The following NEURL4 variants were observed in gnomAD, a reference collection of about 807,000 sequenced individuals.
The protein encoded by NEURL4 is neuralized-like protein 4.
Under a neutral mutation model 148.0 loss-of-function variants are expected in NEURL4, and 45 were observed. The ratio of observed to expected loss-of-function variants is 0.30; its 90% CI spans 0.24 to 0.39. The LOEUF (loss-of-function observed/expected upper bound fraction) is 0.39, where lower values mean the gene tolerates loss of function less well. Ranked by LOEUF, NEURL4 falls within the 10% of genes least tolerant of loss-of-function variation. The pLI, the probability that NEURL4 is intolerant of heterozygous loss-of-function variation, is 1.00. For missense variants in NEURL4, 1,776 were observed against 2,144.0 expected (o/e 0.83, Z 3.39); for synonymous variants, 854 against 869.0 (o/e 0.98, Z 0.30).
At chr17:7,323,762 T>C in intron 12 of NEURL4, 39 bp from the exon 13 acceptor site, 3 of 1,613,828 alleles carry the variant, frequency 1.9e-6, no homozygotes. Flanking sequence ...TCTACTTGCA[T>C]GGCTGAGGCT....
rs1424374691 is a variant in NEURL4, at chr17:7,317,220, A to T, written c.4469T>A (p.Leu1490Gln). 6.6e-7 allele frequency: 1 copy of T among 1,513,184 alleles called. No individual in the cohort carries two copies. Among genetic ancestry groups the T allele is most frequent in the African/African-American group, 1.4e-5 (1 of 71,482 alleles). 93.7% of individuals were successfully genotyped at this position (1,513,184 alleles called of 1,614,324 possible). The change falls in exon 28 of 29, where the codon CTG becomes CAG. Residue 1490 changes from leucine to glutamine, a missense_variant. Coordinates refer to ENST00000399464, the MANE Select transcript of NEURL4 (RefSeq NM_032442.3). ...PSLQYAGAET[L>Q]ASKVQFRDPK... ...CAGTACTCACTGCACTTTGGAGGCC[A>T]GGGTCTCCGCCCCAGCATATTGAAG...
At position 7,326,365 on chromosome 17, in the gene NEURL4, G is replaced by A. The variant is rs1052888554; in HGVS notation, c.1205-22C>T. On this transcript the variant is annotated intron_variant, in intron 5 of 28. Transcript: ENST00000399464. This position sits in a 1 kb window ranked among gnomAD's most constrained non-coding sequence, Gnocchi z 6.0. The stretch of plus-strand genomic sequence containing the variant: ...GTGCCTGGGTGATAGTGGACACTTG[G>A]GTTCGGGTACGGGGCTTCCTTCCCC... 1 of 1,613,946 alleles carries A rather than the reference G, an allele frequency of 6.2e-7. No homozygotes were observed. Among genetic ancestry groups the A allele is most frequent in the Non-Finnish European group, 8.5e-7 (1 of 1,179,970 alleles).
intron 6 of NEURL4, among the ~76,000 whole-genome samples, 184 bp from the exon 7 acceptor site, chr17:7,325,897 A>G (rs2073098142): frequency 6.6e-6 from 1 of 152,182 alleles, no homozygotes; most frequent in Non-Finnish European, 1.5e-5. Flanking sequence ...TGAGTCAGGC[A>G]CTGAGTTAAA....
At position 7,327,271 on chromosome 17, in the gene NEURL4, C is replaced by T. The variant is rs376500565; in HGVS notation, c.728-41G>A. ...GATGGGAGGGGAATAAGGGTTCAGT[C>T]CCTGCTTCACGGCCCATAGCCAGGA... On this transcript the variant is annotated intron_variant, in intron 2 of 28. Transcript: ENST00000399464. The surrounding 1 kb of genome is among the most constrained non-coding windows in gnomAD (Gnocchi z 6.6). The T allele has an allele frequency of 8.4e-5, 131 of 1,553,000 alleles. No homozygotes were observed. The highest frequency in any genetic ancestry group is 1.1e-4 in the Non-Finnish European group (126 of 1,150,284).
In NEURL4 at chr17:7,323,910, A is replaced by G; in HGVS notation, c.2165T>C (p.Leu722Pro). The change falls in exon 12 of 29, where the codon CTG becomes CCG. Residue 722 changes from leucine (L) to proline (P), a missense_variant. Physicochemically the swap from Leu to Pro is moderately conservative, Grantham distance 98. Transcript: ENST00000399464. ...AGTGATGACTGCGTTACTGCCGTGC[A>G]GCTGATGGAAGCGCAGGTCAGAGCC... ...AGGSDLRFHQ[L>P]HGSNAVITNG... 6.2e-7 allele frequency: 1 copy of G among 1,613,846 alleles called. No homozygotes were observed. The highest frequency in any genetic ancestry group is 8.5e-7 in the Non-Finnish European group (1 of 1,180,032).
Position 7,316,103 on chromosome 17 carries a change from T to G in NEURL4, c.*20A>C. ...TGGGCCCGCGGCCCGACTGTGCTTG[T>G]AGTAGTGGTGTCTCACCCCTCATTC... is the stretch of plus-strand genomic sequence containing the variant. On this transcript the variant is annotated 3_prime_UTR_variant, in exon 29 of 29. Coordinates refer to ENST00000399464, the MANE Select transcript of NEURL4 (RefSeq NM_032442.3). 2 of 1,242,346 alleles carry G rather than the reference T, an allele frequency of 1.6e-6. No homozygotes were observed. Among genetic ancestry groups the G allele is most frequent in the Non-Finnish European group, 2.4e-6 (2 of 840,812 alleles). 77.0% of individuals were successfully genotyped at this position (1,242,346 alleles called of 1,614,324 possible). A position where few individuals can be genotyped will look rare whatever the true frequency, so the allele number is the denominator to read the frequency against.
At position 7,327,790 on chromosome 17, in the gene NEURL4, C is replaced by G. The variant is rs1431550047; in HGVS notation, c.377G>C (p.Gly126Ala). The change falls in exon 2 of 29, where the codon GGC becomes GCC. Residue 126 changes from glycine to alanine, a missense_variant. Gly to Ala is a moderately conservative substitution (Grantham distance 60). Transcript: ENST00000399464. The surrounding 1 kb of genome is among the most constrained non-coding windows in gnomAD (Gnocchi z 6.6). ...AGAGCAGCCCGACACTACCCACGAG[C>G]CCCCCTTCAGGCCCGTGGCACTGCT... is the stretch of plus-strand genomic sequence containing the variant. ...FPSSATGLKG[G>A]SWVVSGCSVL... 1 of 1,614,000 alleles carries G rather than the reference C, an allele frequency of 6.2e-7. No individual in the cohort carries two copies. The highest frequency in any genetic ancestry group is 1.7e-5 in the Admixed American group (1 of 60,028).
intron 21 of NEURL4, among the ~76,000 whole-genome samples, chr17:7,320,424 C>T (rs576185984): frequency 8.5e-5 from 13 of 152,276 alleles, no homozygotes; most frequent in African/African-American, 2.4e-4. Context: ...TATGAGCCAC[C>T]GCACCCGGGC....
Position 7,324,810 on chromosome 17 carries a change from T to C in NEURL4, c.1802A>G (p.Asn601Ser), listed in dbSNP as rs374997744. ...TCCTGGGAGCTCACCAGAGCGCAAG[T>C]TGGTCATGGTGGAGGGCAACTGGAG... The part of the protein sequence containing the change: ...AYLQLPSTMT[N>S]LRSGTWMMTG... Residue 601 changes from asparagine to serine, a missense_variant, in exon 9 of 29, where the codon AAC becomes AGC. Physicochemically the swap from Asn to Ser is conservative, Grantham distance 46 (BLOSUM62 1). Transcript: ENST00000399464. The surrounding 1 kb of genome is among the most constrained non-coding windows in gnomAD (Gnocchi z 5.9). 2 of 1,614,132 alleles carry C rather than the reference T, an allele frequency of 1.2e-6. No individual in the cohort carries two copies. Among genetic ancestry groups the C allele is most frequent in the Non-Finnish European group, 1.7e-6 (2 of 1,179,996 alleles).
chr17:7,321,498 C>T lies in NEURL4; in HGVS notation c.3100-39G>A, dbSNP rs775058216. ...AGGACAAGGACGGACGATGTTCAGC[C>T]CACCTCTCCCTGCCACCTCCACTCC... On this transcript the variant is annotated intron_variant, in intron 18 of 28. Coordinates refer to ENST00000399464, the MANE Select transcript of NEURL4 (RefSeq NM_032442.3). This position sits in a 1 kb window ranked among gnomAD's most constrained non-coding sequence, Gnocchi z 6.3. 3 of 1,612,946 alleles carry T rather than the reference C, an allele frequency of 1.9e-6. No individual in the cohort carries two copies. Among genetic ancestry groups the T allele is most frequent in the Admixed American group, 3.3e-5 (2 of 59,992 alleles).
In NEURL4 at chr17:7,322,972, A is replaced by C; in HGVS notation, c.2569T>G (p.Cys857Gly). The change falls in exon 15 of 29, where the codon TGC (cysteine) becomes GGC (glycine). Residue 857 changes from cysteine (C) to glycine (G), a missense_variant. Transcript: ENST00000399464. This position sits in a 1 kb window ranked among gnomAD's most constrained non-coding sequence, Gnocchi z 5.5. ...CCTTTACCCGGAGGCAGGCCCGAGC[A>C]GGCAGCGCCTTGGTCCTGGCCGTTG... ...FINGQDQGAA[C>G]SGLPPGKEVY... is the part of the protein sequence containing the mutation. 1 of 1,613,602 alleles carries C rather than the reference A, an allele frequency of 6.2e-7. No homozygotes were observed. The highest frequency in any genetic ancestry group is 8.5e-7 in the Non-Finnish European group (1 of 1,179,870).
In NEURL4 at chr17:7,317,539, T is replaced by G. The variant is rs2072966198; in HGVS notation, c.4240A>C (p.Lys1414Gln). ...CCGTGATATGCCATGTGCCACTTCT[T>G]GGTTAGTGTCCCAGCCTCCAGGCGG... ...NPRLEAGTLT[K>Q]KWHMAYHGSN... Residue 1414 changes from lysine to glutamine, a missense_variant, in exon 27 of 29, where the codon AAG becomes CAG. Physicochemically the swap from Lys to Gln is moderately conservative, Grantham distance 53 (BLOSUM62 1). Transcript: ENST00000399464. The G allele has an allele frequency of 6.2e-7, 1 of 1,613,982 alleles. No homozygotes were observed. The highest frequency in any genetic ancestry group is 8.5e-7 in the Non-Finnish European group (1 of 1,180,004).
chr17:7,316,973 G>A (rs7219974), intron 28 of NEURL4, among the ~76,000 whole-genome samples: 44,541 of 152,054 alleles, frequency 0.29, 6,717 homozygotes, highest in Non-Finnish European at 0.33. Context: ...TATGAACATT[G>A]TAGAGAGAAA....
intron 14 of NEURL4, 108 bp downstream of exon 14, chr17:7,323,377 C>A: frequency 1.7e-6 from 2 of 1,164,096 alleles, no homozygotes; most frequent in Non-Finnish European, 1.3e-6. Flanking sequence ...ACAGGTAGAT[C>A]CCCTAGGTCT....
chr17:7,316,022 C>G lies in NEURL4; in HGVS notation c.*101G>C. On this transcript the variant is annotated 3_prime_UTR_variant, in exon 29 of 29. Coordinates refer to ENST00000399464, the MANE Select transcript of NEURL4 (RefSeq NM_032442.3). ...CTGCGCGGCTGCCAAGCTCCAGCACCTGCGCATGCCACGAGTCACGGGAAT... is the reference window on the plus strand; with the variant it reads ...CTGCGCGGCTGCCAAGCTCCAGCACGTGCGCATGCCACGAGTCACGGGAAT... The G allele has an allele frequency of 1.3e-6, 1 of 753,356 alleles. No individual in the cohort carries two copies. Among genetic ancestry groups the G allele is most frequent in the Non-Finnish European group, 2.4e-6 (1 of 412,926 alleles). 46.7% of individuals were successfully genotyped at this position (753,356 alleles called of 1,614,324 possible). A position where few individuals can be genotyped will look rare whatever the true frequency, so the allele number is the denominator to read the frequency against.
In NEURL4 at chr17:7,321,827, G is replaced by A; in HGVS notation, c.2871+38C>T. ...AAACATAAGCTGGCCCTGTCGTGAT[G>A]GGCCTCGCAGCCCCTCTGTCACATC... On this transcript the variant is annotated intron_variant, in intron 17 of 28. Transcript: ENST00000399464. This position sits in a 1 kb window ranked among gnomAD's most constrained non-coding sequence, Gnocchi z 6.3. 1 of 1,611,676 alleles carries A rather than the reference G, an allele frequency of 6.2e-7. No homozygotes were observed. Among genetic ancestry groups the A allele is most frequent in the South Asian group, 1.1e-5 (1 of 91,042 alleles).
chr17:7,319,029 T>G, intron 22 of NEURL4, 21 bp downstream of exon 22: 4 of 1,594,224 alleles, frequency 2.5e-6, no homozygotes, highest in Non-Finnish European at 3.4e-6. Flanking sequence ...GTCCTGTTCC[T>G]TCTCTCTGGC....
Position 7,326,859 on chromosome 17 carries a change from T to C in NEURL4, c.944A>G (p.Asn315Ser), listed in dbSNP as rs374526687. 15 of 1,613,796 alleles carry C rather than the reference T, an allele frequency of 9.3e-6. No individual in the cohort carries two copies. Among genetic ancestry groups the C allele is most frequent in the African/African-American group, 1.3e-5 (1 of 74,866 alleles). Residue 315 changes from asparagine (N) to serine (S), a missense_variant, in exon 4 of 29, where the codon AAC becomes AGC. Coordinates refer to ENST00000399464, the MANE Select transcript of NEURL4 (RefSeq NM_032442.3). This position sits in a 1 kb window ranked among gnomAD's most constrained non-coding sequence, Gnocchi z 6.0. ...CTTTTCATGAAAGAGCAGGGCATCGTTGGAAGTGAGAATGGGCGAGGTGGC... is the reference window on the plus strand; with the variant it reads ...CTTTTCATGAAAGAGCAGGGCATCGCTGGAAGTGAGAATGGGCGAGGTGGC... ...GAATSPILTS[N>S]DALLFHEKCG...
intron 21 of NEURL4, among the ~76,000 whole-genome samples, chr17:7,319,561 G>A (rs1004624765): frequency 6.6e-6 from 1 of 150,870 alleles, no homozygotes; most frequent in African/African-American, 2.4e-5. Flanking sequence ...TTAGCCGGGC[G>A]TAGTGTCATA....
Sources: gnomAD v4.1 joint callset for allele counts (sites outside exome capture counted in the v4.1 genomes callset) on GRCh38, gnomAD v4.1.1 for gene constraint, Gnocchi (gnomAD v3.1) non-coding constraint, MANE v1.5 for transcripts, NCBI Gene and HGNC (gene_info 2026-07-23, HGNC 2026-07-21) for gene names.